RARB: variants seen among roughly 807,000 people sequenced by gnomAD.
The protein encoded by RARB is HBV-activated protein.
Under a neutral mutation model 51.9 loss-of-function variants are expected in RARB, and 17 were observed. That is an observed-to-expected ratio of 0.33 (90% CI 0.22 to 0.49). The LOEUF is 0.49. Ranked by LOEUF, RARB falls within the 20% of genes least tolerant of loss-of-function variation. RARB has a pLI of 0.99. For missense variants in RARB, 369 were observed against 550.8 expected (o/e 0.67, Z 3.30); for synonymous variants, 215 against 195.4 (o/e 1.10, Z -0.84).
intron 3 of RARB, among the ~76,000 whole-genome samples, chr3:25,513,255 C>G (rs935144077): frequency 5.9e-5 from 9 of 151,912 alleles, no homozygotes; most frequent in Non-Finnish European, 1.0e-4. Flanking sequence ...CCACCGCACT[C>G]CAGCCTGGAC....
At chr3:24,953,987 T>A (rs1695954883) in intron 2 of RARB, among the ~76,000 whole-genome samples, 1 of 152,006 alleles carries the variant, frequency 6.6e-6, no homozygotes, top group Non-Finnish European at 1.5e-5. Context: ...CTCAGATGAG[T>A]TTTGTCTCTT....
intron 2 of RARB, among the ~76,000 whole-genome samples, chr3:24,888,310 A>T (rs532848360): frequency 6.6e-6 from 1 of 152,286 alleles, no homozygotes; most frequent in South Asian, 2.1e-4. Flanking sequence ...ATTTGTTAAA[A>T]CCTCATAACC....
chr3:25,190,312 C>T (rs971562345), intron 5 of RARB, among the ~76,000 whole-genome samples: 1 of 151,946 alleles, frequency 6.6e-6, no homozygotes, highest in Non-Finnish European at 1.5e-5. Flanking sequence ...GGCAGATACA[C>T]GCAACAAAAA....
At chr3:25,537,049 C>T (rs549238676) in intron 3 of RARB, among the ~76,000 whole-genome samples, 4 of 152,316 alleles carry the variant, frequency 2.6e-5, no homozygotes, top group African/African-American at 9.6e-5. Context: ...AAGCTGACTC[C>T]GGGGCCTCTC....
intron 2 of RARB, among the ~76,000 whole-genome samples, chr3:24,966,444 C>G (rs1300046610): frequency 6.6e-6 from 1 of 152,144 alleles, no homozygotes; most frequent in Non-Finnish European, 1.5e-5. Context: ...CAGCAGGTGG[C>G]TTGCATTTTG....
chr3:25,245,752 C>T (rs901755249), intron 5 of RARB, among the ~76,000 whole-genome samples: 2 of 152,074 alleles, frequency 1.3e-5, no homozygotes, highest in African/African-American at 4.8e-5. Flanking sequence ...TCCTTCATTT[C>T]AATCTTGGTG....
chr3:24,915,490 T>C (rs1012205358), intron 2 of RARB, among the ~76,000 whole-genome samples: 1 of 152,250 alleles, frequency 6.6e-6, no homozygotes, highest in East Asian at 1.9e-4. Flanking sequence ...ATGGCTATCA[T>C]ACTGGACAGG....
intron 3 of RARB, among the ~76,000 whole-genome samples, chr3:25,539,435 C>T (rs1211838558): frequency 6.6e-6 from 1 of 151,612 alleles, no homozygotes; most frequent in East Asian, 2.0e-4. Flanking sequence ...CTACTTCAAA[C>T]CAAACATCTC....
chr3:25,479,344 G>C (rs1696117484), intron 2 of RARB, among the ~76,000 whole-genome samples: 1 of 152,170 alleles, frequency 6.6e-6, no homozygotes, highest in Non-Finnish European at 1.5e-5. Context: ...TATGTTAAAT[G>C]GCTGCTTTGT....
chr3:25,139,026 G>A (rs1156803152), intron 4 of RARB, among the ~76,000 whole-genome samples: 1 of 151,968 alleles, frequency 6.6e-6, no homozygotes, highest in African/African-American at 2.4e-5. Context: ...AATTGTTTGA[G>A]GGCACAAAGA....
intron 5 of RARB, among the ~76,000 whole-genome samples, chr3:25,398,076 A>G (rs1707165187): frequency 6.6e-6 from 1 of 152,130 alleles, no homozygotes; most frequent in Non-Finnish European, 1.5e-5. Flanking sequence ...ATATTTTTAC[A>G]TGAAATTTGT....
intron 2 of RARB, among the ~76,000 whole-genome samples, chr3:24,881,382 G>T (rs1434974433): frequency 1.3e-5 from 2 of 152,138 alleles, no homozygotes; most frequent in Non-Finnish European, 2.9e-5. Flanking sequence ...CAATTAGCCT[G>T]GGGAGTCCAA....
At chr3:24,859,266 G>T (rs1702695913) in intron 2 of RARB, among the ~76,000 whole-genome samples, 1 of 152,112 alleles carries the variant, frequency 6.6e-6, no homozygotes, top group Non-Finnish European at 1.5e-5. Flanking sequence ...GTGGTTCTGG[G>T]AGCTTGAGGG....
intron 3 of RARB, among the ~76,000 whole-genome samples, chr3:25,509,831 C>G (rs1697799653): frequency 6.6e-6 from 1 of 152,144 alleles, no homozygotes; most frequent in Non-Finnish European, 1.5e-5. Context: ...CTTCCCCTTC[C>G]CCGTCCTCCC....
intron 5 of RARB, among the ~76,000 whole-genome samples, chr3:25,334,485 C>A (rs1300375179): frequency 1.3e-5 from 2 of 152,012 alleles, no homozygotes; most frequent in Admixed American, 6.6e-5. Flanking sequence ...ATAATGAGAA[C>A]ACTTGGACAC....
intron 1 of RARB, among the ~76,000 whole-genome samples, chr3:24,845,944 A>G (rs1459971063): frequency 1.3e-5 from 2 of 152,200 alleles, no homozygotes; most frequent in Admixed American, 6.5e-5. Flanking sequence ...TACACTATGC[A>G]GGCACAGACT....
At position 25,416,773 on chromosome 3, in the gene RARB, G is replaced by A. The variant is rs185997306; in HGVS notation, c.179-44420G>A. On this transcript the variant is annotated intron_variant, in intron 5 of 11. Transcript: ENST00000383772. ...CCCCTGGACTTGAGTATGGTGTTGG[G>A]CAGCCTTACTCAGTTCTTTCAGAGG... is the stretch of plus-strand genomic sequence containing the variant. Among the ~76,000 whole-genome samples the A allele has an allele frequency of 3.3e-4, 50 of 152,304 alleles. 1 individual carries two copies. The highest frequency in any genetic ancestry group is 2.9e-5 in the Non-Finnish European group (2 of 68,026).
At chr3:25,338,486 C>T (rs565088330) in intron 5 of RARB, among the ~76,000 whole-genome samples, 178 of 152,260 alleles carry the variant, frequency 1.2e-3, no homozygotes, top group African/African-American at 3.9e-3. Flanking sequence ...TACTGAATTA[C>T]CCACTGTCAA....
intron 3 of RARB, among the ~76,000 whole-genome samples, chr3:25,107,296 C>T (rs114123975): frequency 0.034 from 5,139 of 152,258 alleles, 122 homozygotes; most frequent in Non-Finnish European, 0.054. Flanking sequence ...TTCTTGTTTT[C>T]TTCCCCTAGT....
Sources: gnomAD v4.1 joint callset for allele counts (sites outside exome capture counted in the v4.1 genomes callset) on GRCh38, gnomAD v4.1.1 for gene constraint, MANE v1.5 for transcripts, NCBI Gene and HGNC (gene_info 2026-07-23, HGNC 2026-07-21) for gene names.